MAP7D3: variants seen among roughly 807,000 people sequenced by gnomAD.
MAP7D3 encodes MAP7 domain containing 3.
A neutral mutation model predicts 62.2 loss-of-function variants in MAP7D3; 45 were observed. The ratio of observed to expected loss-of-function variants is 0.72; its 90% confidence interval spans 0.57 to 0.93. The LOEUF is 0.93. Ranked by LOEUF, MAP7D3 falls within the 40% of genes least tolerant of loss-of-function variation. MAP7D3 has a pLI of 0.00. For missense variants in MAP7D3, 711 were observed against 683.1 expected (o/e 1.04, Z -0.45); for synonymous variants, 288 against 248.8 (o/e 1.16, Z -1.48).
intron 6 of MAP7D3, among the ~76,000 whole-genome samples, chrX:136,236,674 T>C (rs1229045428): frequency 8.9e-6 from 1 of 112,200 alleles, no homozygotes; most frequent in African/African-American, 3.2e-5. Context: ...ATTTTTGTTA[T>C]ATATGCATAT....
At position 136,225,380 on chromosome X, in the gene MAP7D3, G is replaced by A. The variant is rs376889676; in HGVS notation, c.2140-500C>T. 4.5e-5 allele frequency among the ~76,000 whole-genome samples: 5 copies of A among 111,643 alleles called. No homozygotes were observed. In the East Asian group the frequency reaches 8.4e-4, roughly 19 times the overall value. On this transcript the variant is annotated intron_variant, in intron 13 of 18. Transcript: ENST00000316077. Reference sequence around the variant, plus strand: ...CTCTCCTGTGCACACTTCTTTCCCTGCAGTGAGGAGAGTTGCAGCTCCCTG... The same window carrying A: ...CTCTCCTGTGCACACTTCTTTCCCTACAGTGAGGAGAGTTGCAGCTCCCTG...
At chrX:136,240,628 T>TC (rs1381560516) in intron 5 of MAP7D3, 142 bp from the exon 6 acceptor site, 2 of 434,283 alleles carry the variant, frequency 4.6e-6, no homozygotes, top group African/African-American at 5.0e-5. Context: ...TGCCCGTCAA[T>TC]CCTTTTTTTT....
intron 13 of MAP7D3, 137 bp downstream of exon 13, chrX:136,225,772 T>C: frequency 2.3e-6 from 1 of 440,967 alleles, no homozygotes; most frequent in East Asian, 3.9e-5. Flanking sequence ...GATCCTTGGA[T>C]AAGGAAGAGA....
chrX:136,248,649 A>G (rs1201358170), intron 1 of MAP7D3, among the ~76,000 whole-genome samples: 1 of 112,583 alleles, frequency 8.9e-6, no homozygotes, highest in African/African-American at 3.2e-5. Flanking sequence ...TGAATTATGA[A>G]TCTTAATCTG....
chrX:136,253,266 A>G (rs949923010), upstream of MAP7D3, among the ~76,000 whole-genome samples: 14 of 112,337 alleles, frequency 1.2e-4, no homozygotes, highest in African/African-American at 4.5e-4. Context: ...AAACACACAC[A>G]CATACACAAA....
At chrX:136,237,483 T>C (rs1201353628) in intron 6 of MAP7D3, among the ~76,000 whole-genome samples, 2 of 112,382 alleles carry the variant, frequency 1.8e-5, no homozygotes, top group African/African-American at 6.5e-5. Flanking sequence ...AGGTTTCATT[T>C]CAAGTTAAAG....
chrX:136,250,815 G>C (rs1019011921), intron 1 of MAP7D3, among the ~76,000 whole-genome samples: 10 of 111,827 alleles, frequency 8.9e-5, no homozygotes, highest in Non-Finnish European at 1.7e-4. Flanking sequence ...AGGCTGCCTG[G>C]CGGCGGAGGC....
chrX:136,241,324 G>A (rs1458795962), intron 4 of MAP7D3, 47 bp from the exon 5 acceptor site: 1 of 720,964 alleles, frequency 1.4e-6, no homozygotes, highest in Non-Finnish European at 2.0e-6. Flanking sequence ...CATCAAATTA[G>A]TATAATTTTG....
intron 18 of MAP7D3, 60 bp downstream of exon 18, chrX:136,219,338 G>A (rs984914979): frequency 3.0e-6 from 2 of 656,668 alleles, no homozygotes; most frequent in Admixed American, 2.9e-5. Context: ...GCTAGAAGGA[G>A]GGGAGCGGGT....
chrX:136,231,026 CTTTTTTT>C, intron 8 of MAP7D3, 60 bp from the exon 9 acceptor site: 1 of 669,910 alleles, frequency 1.5e-6, no homozygotes. Flanking sequence ...CTGCAGCTGG[CTTTTTTT>C]TTTTTTTTGA....
At chrX:136,247,768 A>G in intron 1 of MAP7D3, among the ~76,000 whole-genome samples, 1 of 111,655 alleles carries the variant, frequency 9.0e-6, no homozygotes, top group Non-Finnish European at 1.9e-5. Flanking sequence ...CTTGGTCTAT[A>G]GACACTCCTA....
At chrX:136,219,837 A>T in intron 16 of MAP7D3, 166 bp from the exon 17 acceptor site, 3 of 520,207 alleles carry the variant, frequency 5.8e-6, no homozygotes, top group Non-Finnish European at 1.0e-5. Context: ...ATCACAGGAC[A>T]CACTGATTTT....
chrX:136,255,273 G>T (rs1047034167), upstream of MAP7D3, among the ~76,000 whole-genome samples: 1 of 112,342 alleles, frequency 8.9e-6, no homozygotes, highest in Non-Finnish European at 1.9e-5. Flanking sequence ...GTGCAGGGCA[G>T]TGTTCAAATT....
chrX:136,252,205 G>A (rs1156921221), upstream of MAP7D3, among the ~76,000 whole-genome samples: 1 of 111,180 alleles, frequency 9.0e-6, no homozygotes, highest in Non-Finnish European at 1.9e-5. Context: ...GGGCCATTAA[G>A]TGTGGTGCAG....
At chrX:136,251,677 A>G, upstream of MAP7D3, 3 of 294,283 alleles carry the variant, frequency 1.0e-5, no homozygotes, top group Non-Finnish European at 1.4e-5. Context: ...TCCTTTCTTC[A>G]CCTTTACCTA....
chrX:136,251,053 T>C (rs1481171792), intron 1 of MAP7D3, among the ~76,000 whole-genome samples: 2 of 112,338 alleles, frequency 1.8e-5, no homozygotes, highest in South Asian at 3.7e-4. Flanking sequence ...AGTTCGACCG[T>C]TGGCGGCGGG....
rs754933002 is a variant in MAP7D3, at chrX:136,230,597, A to T, written c.1542-4T>A. The T allele has an allele frequency of 4.4e-6, 5 of 1,126,320 alleles. No individual in the cohort carries two copies. In the African/African-American group the frequency reaches 9.0e-5, roughly 20 times the overall value. The allele number at this position is 1,126,320 out of a possible 1,213,427, so 92.8% of individuals were successfully genotyped here. A position where few individuals can be genotyped will look rare whatever the true frequency, so the allele number is the denominator to read the frequency against. The stretch of plus-strand genomic sequence containing the variant: ...GCAGTTCTTTTGGATTTGCCTGCTG[A>T]GAAAAAGTAATACACATTTGCTAAT... On this transcript the variant is annotated splice_region_variant and splice_polypyrimidine_tract_variant and intron_variant, in intron 9 of 18. Coordinates refer to ENST00000316077, the MANE Select transcript of MAP7D3 (RefSeq NM_024597.4).
Position 136,236,301 on chromosome X carries a change from T to C in MAP7D3, c.679A>G (p.Arg227Gly). Reference protein sequence around the residue: ...DKERSSSLNRRDSNLHSSTDK... With the variant: ...DKERSSSLNRGDSNLHSSTDK... ...GTAGACGAATGTAGGTTACTATCTC[T>C]TCTATTTAAAGATGAGCTTCTCTCC... The change falls in exon 7 of 19, where the codon AGA (arginine) becomes GGA (glycine). Residue 227 changes from arginine to glycine, a missense_variant. By Grantham distance (125) the Arg-to-Gly change is moderately radical (BLOSUM62 -2). Transcript: ENST00000316077. 8.4e-7 allele frequency: 1 copy of C among 1,196,728 alleles called. No individual in the cohort carries two copies.
chrX:136,222,856 G>C (rs768865833), intron 14 of MAP7D3, among the ~76,000 whole-genome samples: 8 of 105,780 alleles, frequency 7.6e-5, no homozygotes, highest in African/African-American at 2.8e-4. Flanking sequence ...TTTTGGGAGA[G>C]GGGAGGACAA....
Sources: gnomAD v4.1 joint callset for allele counts (sites outside exome capture counted in the v4.1 genomes callset) on GRCh38, gnomAD v4.1.1 for gene constraint, MANE v1.5 for transcripts, NCBI Gene and HGNC (gene_info 2026-07-23, HGNC 2026-07-21) for gene names.